Variants in PRKCE observed in about 807,000 individuals in gnomAD.
The protein encoded by PRKCE is protein kinase C epsilon.
In PRKCE, 16 loss-of-function variants were observed where a neutral mutation model predicts 85.4. That is an observed-to-expected ratio of 0.19 (90% CI 0.13 to 0.28). PRKCE has a LOEUF of 0.28. Ranked by LOEUF, PRKCE falls within the 10% of genes least tolerant of loss-of-function variation. The pLI is 1.00. For missense variants in PRKCE, 573 were observed against 975.2 expected (o/e 0.59, Z 5.49); for synonymous variants, 388 against 371.5 (o/e 1.04, Z -0.51).
At position 45,905,646 on chromosome 2, in the gene PRKCE, G is replaced by A. The variant is rs917948678; in HGVS notation, c.412+62583G>A. Among the ~76,000 whole-genome samples the A allele has an allele frequency of 6.6e-6, 1 of 152,214 alleles. No individual in the cohort carries two copies. Among genetic ancestry groups the A allele is most frequent in the Non-Finnish European group, 1.5e-5 (1 of 68,042 alleles). ...TTCTAAGGGGCTGAGGGCTGGCCGGGGCCCTAGCTGGGGAACCTCTGATGC... is the reference window on the plus strand; with the variant it reads ...TTCTAAGGGGCTGAGGGCTGGCCGGAGCCCTAGCTGGGGAACCTCTGATGC... On this transcript the variant is annotated intron_variant, in intron 2 of 14. Coordinates refer to ENST00000306156, the MANE Select transcript of PRKCE (RefSeq NM_005400.3). This position sits in a 1 kb window ranked among gnomAD's most constrained non-coding sequence, Gnocchi z 4.4.
intron 1 of PRKCE, among the ~76,000 whole-genome samples, chr2:45,781,297 A>G (rs913977673): frequency 6.6e-6 from 1 of 152,204 alleles, no homozygotes; most frequent in African/African-American, 2.4e-5. Context: ...TGATCGCACC[A>G]TTGCATTCCG....
intron 10 of PRKCE, among the ~76,000 whole-genome samples, chr2:46,044,844 C>T (rs1001181786): frequency 5.3e-5 from 8 of 152,184 alleles, no homozygotes; most frequent in East Asian, 1.9e-4. Context: ...CCCTCAGCTC[C>T]GCTCTGCCTC....
chr2:45,917,861 CG>C lies in PRKCE; in HGVS notation c.413-58567del, dbSNP rs1241199649. ...CCGGCGAGAAATCGAGCGCAGCGCC[CG>C]TGGGCCGGCACTGCTGGGGGACCCA... is the stretch of plus-strand genomic sequence containing the variant. On this transcript the variant is annotated intron_variant, in intron 2 of 14. Transcript: ENST00000306156. 2.0e-5 allele frequency among the ~76,000 whole-genome samples: 3 copies of C among 152,266 alleles called. No individual in the cohort carries two copies. In the East Asian group the frequency reaches 5.8e-4, roughly 29 times the overall value.
At chr2:45,804,630 T>C (rs1688109744) in intron 1 of PRKCE, among the ~76,000 whole-genome samples, 1 of 152,212 alleles carries the variant, frequency 6.6e-6, no homozygotes, top group Non-Finnish European at 1.5e-5. Context: ...CAGCTCCTTG[T>C]AGAGGCTGAC....
chr2:46,052,289 G>A (rs1708904605), intron 10 of PRKCE, among the ~76,000 whole-genome samples: 1 of 152,154 alleles, frequency 6.6e-6, no homozygotes, highest in South Asian at 2.1e-4. Context: ...TAATAAAAGA[G>A]TAGAGCAAGG....
chr2:46,098,896 A>T (rs1163970839), intron 11 of PRKCE, among the ~76,000 whole-genome samples: 2 of 151,990 alleles, frequency 1.3e-5, no homozygotes, highest in African/African-American at 4.8e-5. Flanking sequence ...CCAGTTGGCC[A>T]TGTTTGTTTC....
chr2:46,054,744 C>A (rs1558400160), intron 10 of PRKCE, among the ~76,000 whole-genome samples: 1 of 152,188 alleles, frequency 6.6e-6, no homozygotes, highest in Non-Finnish European at 1.5e-5. Context: ...ACAAACATCC[C>A]TGTTTTACCA....
intron 2 of PRKCE, among the ~76,000 whole-genome samples, chr2:45,951,638 G>A (rs1700628995): frequency 6.6e-6 from 1 of 152,208 alleles, no homozygotes. Flanking sequence ...CCCCAGCTGA[G>A]CCAATGCAAC....
At chr2:45,750,649 A>C (rs969178116) in intron 1 of PRKCE, among the ~76,000 whole-genome samples, 4 of 152,238 alleles carry the variant, frequency 2.6e-5, no homozygotes, top group Admixed American at 6.5e-5. Flanking sequence ...AAATTATTTA[A>C]TACTGCTATG....
In PRKCE at chr2:46,171,614, C is replaced by T. The variant is rs559050847; in HGVS notation, c.2067+11862C>T. On this transcript the variant is annotated intron_variant, in intron 14 of 14. Coordinates refer to ENST00000306156, the MANE Select transcript of PRKCE (RefSeq NM_005400.3). The stretch of plus-strand genomic sequence containing the variant: ...TGCCCAGCCTGCCTGTTAGACAAGA[C>T]GTCTAATGCCTCCGAGCCCATTTCC... Among the ~76,000 whole-genome samples, 11 of 152,318 alleles carry T rather than the reference C, an allele frequency of 7.2e-5. No individual in the cohort carries two copies. In the South Asian group the frequency reaches 1.0e-3, roughly 14 times the overall value.
In PRKCE at chr2:46,007,448, C is replaced by A; in HGVS notation, c.1064-14C>A. On this transcript the variant is annotated splice_polypyrimidine_tract_variant and intron_variant, in intron 8 of 14. Coordinates refer to ENST00000306156, the MANE Select transcript of PRKCE (RefSeq NM_005400.3). ...GTATGCACTAATGCAATTTCTTGTTCCCCTTGGCCCTAGAAATAAAAGAAC... is the reference window on the plus strand; with the variant it reads ...GTATGCACTAATGCAATTTCTTGTTACCCTTGGCCCTAGAAATAAAAGAAC... The A allele has an allele frequency of 6.3e-7, 1 of 1,599,582 alleles. No homozygotes were observed. Among genetic ancestry groups the A allele is most frequent in the South Asian group, 1.1e-5 (1 of 91,058 alleles).
intron 2 of PRKCE, among the ~76,000 whole-genome samples, chr2:45,861,136 C>T (rs1693123386): frequency 1.3e-5 from 2 of 152,158 alleles, no homozygotes; most frequent in South Asian, 4.1e-4. Context: ...CACTGGTTTT[C>T]TGGCTGGGAA....
intron 11 of PRKCE, among the ~76,000 whole-genome samples, chr2:46,118,924 A>G (rs1673041341): frequency 6.6e-6 from 1 of 152,228 alleles, no homozygotes; most frequent in Admixed American, 6.5e-5. Flanking sequence ...CTCAGCCTGC[A>G]ACAGATGGAG....
chr2:45,677,978 T>C (rs1558547170), intron 1 of PRKCE: 1 of 825,024 alleles, frequency 1.2e-6, no homozygotes, highest in South Asian at 5.5e-5. Context: ...AAATATCAAC[T>C]TGATTTTACA....
At chr2:45,951,076 C>G (rs529447691) in intron 2 of PRKCE, among the ~76,000 whole-genome samples, 6 of 152,320 alleles carry the variant, frequency 3.9e-5, no homozygotes, top group African/African-American at 1.2e-4. Context: ...GTGCCCAAAC[C>G]ATCACTGTAA....
chr2:45,819,004 T>A (rs1169149933), intron 1 of PRKCE, among the ~76,000 whole-genome samples: 1 of 152,062 alleles, frequency 6.6e-6, no homozygotes, highest in Non-Finnish European at 1.5e-5. Flanking sequence ...AAAAAGGATT[T>A]GGGGCGTGGA....
In PRKCE at chr2:46,004,147, A is replaced by C; in HGVS notation, c.967-395A>C. ...TGTACCCGTCCAATGTAGATGATGT[A>C]TTTCTTCCTGTAAACCTGGACTACT... On this transcript the variant is annotated intron_variant, in intron 7 of 14. Coordinates refer to ENST00000306156, the MANE Select transcript of PRKCE (RefSeq NM_005400.3). The surrounding 1 kb of genome is among the most constrained non-coding windows in gnomAD (Gnocchi z 4.1). 1 of 294,026 alleles carries C rather than the reference A, an allele frequency of 3.4e-6. No homozygotes were observed. Among genetic ancestry groups the C allele is most frequent in the South Asian group, 3.3e-5 (1 of 29,964 alleles). The allele number at this position is 294,026 out of a possible 1,614,324, so 18.2% of individuals were successfully genotyped here. A position where few individuals can be genotyped will look rare whatever the true frequency, so the allele number is the denominator to read the frequency against.
chr2:45,842,549 C>CA (rs1691440921), intron 1 of PRKCE, among the ~76,000 whole-genome samples: 1 of 152,188 alleles, frequency 6.6e-6, no homozygotes, highest in African/African-American at 2.4e-5. Context: ...GGAATTTGGG[C>CA]ACAATTTCCA....
intron 6 of PRKCE, among the ~76,000 whole-genome samples, chr2:45,989,442 G>C (rs72874401): frequency 0.02 from 3,069 of 152,282 alleles, 103 homozygotes; most frequent in African/African-American, 0.07. Context: ...GTCCTGGTTT[G>C]GGTACTGCCT....
Sources: gnomAD v4.1 joint callset for allele counts (sites outside exome capture counted in the v4.1 genomes callset) on GRCh38, gnomAD v4.1.1 for gene constraint, Gnocchi (gnomAD v3.1) non-coding constraint, MANE v1.5 for transcripts, NCBI Gene and HGNC (gene_info 2026-07-23, HGNC 2026-07-21) for gene names.